CFAP53: variants seen among roughly 807,000 people sequenced by gnomAD.
CFAP53 encodes cilia- and flagella-associated protein 53.
A neutral mutation model predicts 59.7 loss-of-function variants in CFAP53; 62 were observed. The observed-to-expected ratio is 1.04, with a 90% CI of 0.85 to 1.28. The LOEUF is 1.28. CFAP53 is among the 50% of genes most tolerant of loss of function. The probability of loss-of-function intolerance (pLI) is 0.00; values close to 1 mark genes in which losing one functional copy is unlikely to be tolerated. For missense variants in CFAP53, 629 were observed against 615.6 expected (o/e 1.02, Z -0.23); for synonymous variants, 218 against 205.7 (o/e 1.06, Z -0.51).
At chr18:50,233,457 G>T (rs773426107) in intron 7 of CFAP53, among the ~76,000 whole-genome samples, 2 of 152,130 alleles carry the variant, frequency 1.3e-5, no homozygotes, top group South Asian at 4.2e-4. Context: ...ATTTGCAAGC[G>T]GACTTCCAAG....
At chr18:50,259,098 G>C (rs918062634) in intron 3 of CFAP53, among the ~76,000 whole-genome samples, 1 of 152,182 alleles carries the variant, frequency 6.6e-6, no homozygotes, top group African/African-American at 2.4e-5. Flanking sequence ...TCCCACTGCT[G>C]AGTATAGGCC....
intron 6 of CFAP53, 34 bp from the exon 7 acceptor site, chr18:50,238,739 A>G: frequency 6.6e-7 from 1 of 1,518,580 alleles, no homozygotes; most frequent in Non-Finnish European, 9.1e-7. Context: ...ATGTCAAATG[A>G]CTTTCAGACA....
At chr18:50,255,847 G>A (rs988968156) in intron 3 of CFAP53, among the ~76,000 whole-genome samples, 8 of 146,834 alleles carry the variant, frequency 5.4e-5, no homozygotes, top group Non-Finnish European at 1.2e-4. Flanking sequence ...AATAAATTGT[G>A]GTATATTTAT....
chr18:50,264,856 C>T (rs12454492), intron 1 of CFAP53, among the ~76,000 whole-genome samples: 97,629 of 152,014 alleles, frequency 0.64, 31,849 homozygotes, highest in South Asian at 0.72. Context: ...GATACAGAAC[C>T]CAAAGTAGAT....
chr18:50,244,934 A>G (rs1048972680), intron 5 of CFAP53, among the ~76,000 whole-genome samples: 11 of 151,746 alleles, frequency 7.2e-5, no homozygotes, highest in Non-Finnish European at 1.5e-4. Flanking sequence ...GTGGTGGCAC[A>G]AGCCTGTAGT....
intron 5 of CFAP53, among the ~76,000 whole-genome samples, chr18:50,246,040 C>T (rs952701890): frequency 6.6e-6 from 1 of 152,166 alleles, no homozygotes; most frequent in Non-Finnish European, 1.5e-5. Flanking sequence ...CAGGCATGGG[C>T]CACCATGCCT....
chr18:50,262,087 G>T lies in CFAP53; in HGVS notation c.202C>A (p.Gln68Lys). The change falls in exon 2 of 8, where the codon CAG becomes AAG. Residue 68 changes from glutamine to lysine, a missense_variant. By Grantham distance (53) the Gln-to-Lys change is moderately conservative (BLOSUM62 1). Coordinates refer to ENST00000398545, the MANE Select transcript of CFAP53 (RefSeq NM_145020.5). ...TCCAAAATCTTGCAGTCATTGTGCT[G>T]GTCCCACTCAGCTTTCAAGCGATCC... is the stretch of plus-strand genomic sequence containing the variant. ...ERDRLKAEWDQHNDCKILDSL... is the reference protein window; with the variant it reads ...ERDRLKAEWDKHNDCKILDSL... 1.9e-6 allele frequency: 3 copies of T among 1,614,190 alleles called. No homozygotes were observed. Among genetic ancestry groups the T allele is most frequent in the Non-Finnish European group, 2.5e-6 (3 of 1,180,026 alleles).
chr18:50,253,677 A>C (rs2033821994), intron 3 of CFAP53, among the ~76,000 whole-genome samples: 1 of 152,210 alleles, frequency 6.6e-6, no homozygotes, highest in Non-Finnish European at 1.5e-5. Context: ...TCCTTGGTTT[A>C]CAGATGAGGA....
At chr18:50,245,848 TTC>T (rs1227240286) in intron 5 of CFAP53, among the ~76,000 whole-genome samples, 1 of 152,102 alleles carries the variant, frequency 6.6e-6, no homozygotes, top group Non-Finnish European at 1.5e-5. Context: ...GATTTACATT[TTC>T]TCTCTCTCTT....
chr18:50,261,933 T>C, intron 2 of CFAP53, 57 bp downstream of exon 2: 1 of 1,412,432 alleles, frequency 7.1e-7, no homozygotes, highest in Non-Finnish European at 1.0e-6. Flanking sequence ...CTGGTCAATC[T>C]CAAATTGTGG....
rs76724220 is a variant in CFAP53, at chr18:50,232,489, C to T, written c.1317-4880G>A. Among the ~76,000 whole-genome samples the T allele has an allele frequency of 4.0e-3, 608 of 152,290 alleles. 3 individuals are homozygous for T. The highest frequency in any genetic ancestry group is 6.6e-3 in the Non-Finnish European group (451 of 68,024). On this transcript the variant is annotated intron_variant, in intron 7 of 7. Transcript: ENST00000398545. ...AAAAATACATTCCTTCAGATAACTG[C>T]CATCAGTGCAAAACGCCAGGTTACT...
At chr18:50,264,267 G>A (rs991641753) in intron 1 of CFAP53, among the ~76,000 whole-genome samples, 1 of 152,128 alleles carries the variant, frequency 6.6e-6, no homozygotes, top group Admixed American at 6.5e-5. Context: ...ACTACTGTGG[G>A]TTTTCAAGGT....
intron 3 of CFAP53, among the ~76,000 whole-genome samples, chr18:50,256,931 A>G (rs769891776): frequency 6.7e-6 from 1 of 148,390 alleles, no homozygotes; most frequent in Non-Finnish European, 1.5e-5. Flanking sequence ...CATGATACAC[A>G]CCTTGCCCCA....
In CFAP53 at chr18:50,243,089, A is replaced by G. The variant is rs376614530; in HGVS notation, c.1024T>C (p.Tyr342His). Reference sequence around the variant, plus strand: ...CGTCTCTGTGCCAAATATTTATGGTATATCTTCTGTTCTCTTATCATATCT... The same window carrying G: ...CGTCTCTGTGCCAAATATTTATGGTGTATCTTCTGTTCTCTTATCATATCT... The part of the protein sequence containing the change: ...REDMIREQKI[Y>H]HKYLAQRREE... The change falls in exon 6 of 8, where the codon TAC becomes CAC. Residue 342 changes from tyrosine to histidine, a missense_variant. Physicochemically the swap from Tyr to His is moderately conservative, Grantham distance 83. Transcript: ENST00000398545. The G allele has an allele frequency of 1.6e-5, 26 of 1,612,712 alleles. No individual in the cohort carries two copies. Among genetic ancestry groups the G allele is most frequent in the African/African-American group, 2.7e-5 (2 of 74,914 alleles).
At chr18:50,230,818 A>T (rs1228894936) in intron 7 of CFAP53, among the ~76,000 whole-genome samples, 1 of 152,228 alleles carries the variant, frequency 6.6e-6, no homozygotes, top group East Asian at 1.9e-4. Flanking sequence ...ACACTCCATC[A>T]ACTTTTATCA....
chr18:50,246,883 TA>T (rs1026782389), intron 5 of CFAP53, among the ~76,000 whole-genome samples: 78 of 150,622 alleles, frequency 5.2e-4, no homozygotes, highest in African/African-American at 1.9e-3. Context: ...CCGTCTCTAC[TA>T]AAAATACAAA....
At chr18:50,265,716 G>A (rs1000346989) in intron 1 of CFAP53, among the ~76,000 whole-genome samples, 1 of 152,206 alleles carries the variant, frequency 6.6e-6, no homozygotes, top group African/African-American at 2.4e-5. Flanking sequence ...TTCTCAGCAG[G>A]AACCATCAAA....
chr18:50,234,318 A>G (rs938901990), intron 7 of CFAP53, among the ~76,000 whole-genome samples: 8 of 151,900 alleles, frequency 5.3e-5, no homozygotes, highest in African/African-American at 1.9e-4. Context: ...CAACTTCTCA[A>G]CCTCACTAAT....
chr18:50,235,070 C>T (rs2033619362), intron 7 of CFAP53, among the ~76,000 whole-genome samples: 1 of 152,096 alleles, frequency 6.6e-6, no homozygotes, highest in African/African-American at 2.4e-5. Flanking sequence ...GAGGCACCTG[C>T]ATGCTGTTAA....
Sources: allele counts gnomAD v4.1 joint callset (sites outside exome capture counted in the v4.1 genomes callset), GRCh38; gene constraint gnomAD v4.1.1; transcripts MANE v1.5; gene names NCBI Gene and HGNC (gene_info 2026-07-23, HGNC 2026-07-21).